SGSM1: variants seen among roughly 807,000 people sequenced by gnomAD.
SGSM1 encodes the protein small G protein signaling modulator 1.
Under a neutral mutation model 133.8 loss-of-function variants are expected in SGSM1, and 73 were observed. The ratio of observed to expected loss-of-function variants is 0.55; its 90% CI spans 0.45 to 0.66. The LOEUF (loss-of-function observed/expected upper bound fraction) is 0.66, where lower values mean the gene tolerates loss of function less well. Among genes scored for constraint, SGSM1 ranks in the 30% least tolerant of loss-of-function variants. The pLI is 0.00. For missense variants in SGSM1, 1,213 were observed against 1,448.1 expected, an observed-to-expected ratio of 0.84 and a Z score of 2.64; for synonymous variants, 563 against 573.0, an observed-to-expected ratio of 0.98 and a Z score of 0.25.
intron 12 of SGSM1, among the ~76,000 whole-genome samples, chr22:24,876,152 C>G (rs1162668687): frequency 1.3e-5 from 2 of 152,180 alleles, no homozygotes; most frequent in Non-Finnish European, 2.9e-5. Flanking sequence ...ACTTGGGTGC[C>G]CTGCCTCATC....
intron 19 of SGSM1, among the ~76,000 whole-genome samples, chr22:24,899,518 C>CTTTTTTTTTTT (rs56027362): frequency 7.5e-6 from 1 of 133,874 alleles, no homozygotes; most frequent in East Asian, 2.1e-4. Flanking sequence ...CTTTTCTTTT[C>CTTTTTTTTTTT]TTTTTTTTTT....
chr22:24,841,688 C>T (rs968823507), intron 2 of SGSM1, among the ~76,000 whole-genome samples: 5 of 152,158 alleles, frequency 3.3e-5, no homozygotes, highest in African/African-American at 4.8e-5. Flanking sequence ...GGCTGAGAAA[C>T]GGTTGGAATC....
At chr22:24,809,838 C>T (rs188252169) in intron 2 of SGSM1, among the ~76,000 whole-genome samples, 219 of 152,238 alleles carry the variant, frequency 1.4e-3, no homozygotes, top group African/African-American at 5.1e-3. Context: ...GAGAGGCACC[C>T]GGGGCTGCAA....
intron 5 of SGSM1, 89 bp from the exon 6 acceptor site, chr22:24,854,907 G>C (rs7364263): frequency 9.9e-7 from 1 of 1,010,342 alleles, no homozygotes; most frequent in Non-Finnish European, 1.5e-6. Context: ...GGTGGTAACC[G>C]AGTGACACTG....
chr22:24,879,846 C>T (rs938741357), intron 14 of SGSM1, among the ~76,000 whole-genome samples: 2 of 152,112 alleles, frequency 1.3e-5, no homozygotes, highest in African/African-American at 4.8e-5. Context: ...ATGAGGACCA[C>T]GTAGAAAGCC....
chr22:24,897,589 C>T lies in SGSM1; in HGVS notation c.2023-383C>T, dbSNP rs149933210. Among the ~76,000 whole-genome samples the T allele has an allele frequency of 4.0e-4, 61 of 152,212 alleles. 1 individual carries two copies. The East Asian group carries it at 6.4e-3, about 16-fold the overall frequency. ...CTTGGGTGATTCTCCCACCTCAGCC[C>T]CTCAAGTAGCTGAGACCACATGTGT... is the stretch of plus-strand genomic sequence containing the variant. On this transcript the variant is annotated intron_variant, in intron 18 of 24. Transcript: ENST00000400358.
Position 24,926,074 on chromosome 22 carries a change from TAGG to T in SGSM1, c.*1801_*1803del, listed in dbSNP as rs908688036. The T allele has an allele frequency of 6.6e-6, 1 of 152,236 alleles. No homozygotes were observed. The highest frequency in any genetic ancestry group is 1.5e-5 in the Non-Finnish European group (1 of 68,088). The allele number at this position is 152,236 out of a possible 1,614,324, so 9.4% of individuals were successfully genotyped here. A position where few individuals can be genotyped will look rare whatever the true frequency, so the allele number is the denominator to read the frequency against. ...GCTGGGATTTTGGAGAGGGAGAGGA[TAGG>T]TAAAGCAGCGTATTGAAGCATTTGC... On this transcript the variant is annotated 3_prime_UTR_variant, in exon 25 of 25. Coordinates refer to ENST00000400358, the MANE Select transcript of SGSM1 (RefSeq NM_001098497.3).
chr22:24,909,256 G>A (rs1005172666), intron 21 of SGSM1, among the ~76,000 whole-genome samples: 4 of 151,956 alleles, frequency 2.6e-5, no homozygotes, highest in Non-Finnish European at 4.4e-5. Context: ...AAAAAGTTGA[G>A]GACTGCTGTT....
At position 24,876,697 on chromosome 22, in the gene SGSM1, A is replaced by G. The variant is rs763327751; in HGVS notation, c.1412A>G (p.Asn471Ser). 3.1e-6 allele frequency: 5 copies of G among 1,613,788 alleles called. No individual in the cohort carries two copies. The highest frequency in any genetic ancestry group is 2.2e-5 in the East Asian group (1 of 44,888). ...QSGSADGSSTNGCNHERAPLK... is the reference protein window; with the variant it reads ...QSGSADGSSTSGCNHERAPLK... ...GGCTCGGCTGATGGTAGCTCGACCA[A>G]TGGCTGCAACCATGAGAGGTATGAG... Residue 471 changes from asparagine (N) to serine (S), a missense_variant, in exon 13 of 25, where the codon AAT (asparagine) becomes AGT (serine). Coordinates refer to ENST00000400358, the MANE Select transcript of SGSM1 (RefSeq NM_001098497.3).
chr22:24,893,649 G>A (rs201570335), intron 17 of SGSM1, 36 bp downstream of exon 17: 624 of 1,519,180 alleles, frequency 4.1e-4, no homozygotes, highest in Non-Finnish European at 5.3e-4. Flanking sequence ...CGCGGGGGCT[G>A]GGGAAGGTCA....
In SGSM1 at chr22:24,924,292, CAG is replaced by C; in HGVS notation, c.*19_*20del. ...ACAAGTGAGGGGCACCTCACCCCGG[CAG>C]CCTCAGCCAAGCTGCCCCTGCCCCG... On this transcript the variant is annotated 3_prime_UTR_variant, in exon 25 of 25. Coordinates refer to ENST00000400358, the MANE Select transcript of SGSM1 (RefSeq NM_001098497.3). 6.2e-7 allele frequency: 1 copy of C among 1,610,024 alleles called. No homozygotes were observed. The highest frequency in any genetic ancestry group is 8.5e-7 in the Non-Finnish European group (1 of 1,176,886).
At chr22:24,915,284 G>C (rs533361886) in intron 22 of SGSM1, among the ~76,000 whole-genome samples, 1 of 151,930 alleles carries the variant, frequency 6.6e-6, no homozygotes, top group Non-Finnish European at 1.5e-5. Flanking sequence ...AAATTCTTGT[G>C]TGCATCCCTG....
intron 2 of SGSM1, among the ~76,000 whole-genome samples, chr22:24,834,341 G>A (rs1929301821): frequency 6.6e-6 from 1 of 152,240 alleles, no homozygotes; most frequent in South Asian, 2.1e-4. Context: ...AAACATTCTT[G>A]TGCAGGGTTG....
chr22:24,811,329 C>T (rs1927723451), intron 2 of SGSM1, among the ~76,000 whole-genome samples: 1 of 152,192 alleles, frequency 6.6e-6, no homozygotes, highest in African/African-American at 2.4e-5. Context: ...CTGCTGCGCC[C>T]TTCACTTCTC....
chr22:24,874,311 G>A lies in SGSM1; in HGVS notation c.1292-2266G>A, dbSNP rs147497627. 9,269 of 1,201,038 alleles carry A rather than the reference G, an allele frequency of 7.7e-3. 40 individuals are homozygous for A. The highest frequency in any genetic ancestry group is 9.8e-3 in the Non-Finnish European group (8,558 of 868,840). The allele number at this position is 1,201,038 out of a possible 1,614,324, so 74.4% of individuals were successfully genotyped here. ...TGTGGGAGCTGTGTGGAGCCGGGAA[G>A]GGGGAGGGTTGGAGCCCCCAGAAAC... is the stretch of plus-strand genomic sequence containing the variant. On this transcript the variant is annotated intron_variant, in intron 12 of 24. Coordinates refer to ENST00000400358, the MANE Select transcript of SGSM1 (RefSeq NM_001098497.3).
At position 24,893,458 on chromosome 22, in the gene SGSM1, G is replaced by A; in HGVS notation, c.1798G>A (p.Ala600Thr). 6.2e-7 allele frequency: 1 copy of A among 1,613,938 alleles called. No homozygotes were observed. ...EVDEQIHACYAQTMAEWLGCE... is the reference protein window; with the variant it reads ...EVDEQIHACYTQTMAEWLGCE... ...GGACGAGCAGATTCATGCCTGCTAT[G>A]CACAGACCATGGCTGAGTGGCTGGG... Residue 600 changes from alanine to threonine, a missense_variant, in exon 17 of 25, where the codon GCA (alanine) becomes ACA (threonine). Physicochemically the swap from Ala to Thr is moderately conservative, Grantham distance 58. Transcript: ENST00000400358.
In SGSM1 at chr22:24,886,620, G is replaced by T. The variant is rs1932617382; in HGVS notation, c.1662G>T (p.Leu554=). ...CACAGAGTTACGAGGAGCAGGAGCT[G>T]CTGCGCCTCATCTACTACGGGGGCA... The part of the protein sequence containing the change: ...HDSTSYEEQE[L]LRLIYYGGIQ... Residue 554 remains leucine, a synonymous_variant, in exon 16 of 25, where the codon CTG becomes CTT. Coordinates refer to ENST00000400358, the MANE Select transcript of SGSM1 (RefSeq NM_001098497.3). 8 of 1,553,078 alleles carry T rather than the reference G, an allele frequency of 5.2e-6. No individual in the cohort carries two copies. The highest frequency in any genetic ancestry group is 7.0e-6 in the Non-Finnish European group (8 of 1,147,870).
At position 24,901,829 on chromosome 22, in the gene SGSM1, A is replaced by G. The variant is rs776809184; in HGVS notation, c.2611-4A>G. The G allele has an allele frequency of 2.5e-6, 4 of 1,612,872 alleles. No homozygotes were observed. Among genetic ancestry groups the G allele is most frequent in the East Asian group, 2.2e-5 (1 of 44,846 alleles). On this transcript the variant is annotated splice_polypyrimidine_tract_variant and splice_region_variant and intron_variant, in intron 19 of 24. Coordinates refer to ENST00000400358, the MANE Select transcript of SGSM1 (RefSeq NM_001098497.3). ...CCCCTACCCCCTGCCCCGATGGCCT[A>G]TAGCCAGAGCTGCTGGATCTGTACA...
chr22:24,904,603 T>C (rs1284908338), intron 20 of SGSM1, among the ~76,000 whole-genome samples: 1 of 140,832 alleles, frequency 7.1e-6, no homozygotes, highest in Admixed American at 7.0e-5. Flanking sequence ...AAAAAGAAAA[T>C]AGTGGGTTGA....
Sources: gnomAD v4.1 joint callset for allele counts (sites outside exome capture counted in the v4.1 genomes callset) on GRCh38, gnomAD v4.1.1 for gene constraint, MANE v1.5 for transcripts, NCBI Gene and HGNC (gene_info 2026-07-23, HGNC 2026-07-21) for gene names.